Variants in TENM1 observed in about 807,000 individuals in gnomAD.
TENM1 encodes teneurin transmembrane protein 1.
A neutral mutation model predicts 174.8 loss-of-function variants in TENM1; 35 were observed. The observed-to-expected ratio is 0.20, with a 90% CI of 0.15 to 0.27. The LOEUF is 0.27. Ranked by LOEUF, TENM1 falls within the 10% of genes least tolerant of loss-of-function variation. The pLI, the probability that TENM1 is intolerant of heterozygous loss-of-function variation, is 1.00. For synonymous variants in TENM1, 781 were observed against 798.7 expected, an observed-to-expected ratio of 0.98 and a Z score of 0.37; for missense variants, 1,633 against 2,130.1, an observed-to-expected ratio of 0.77 and a Z score of 4.59.
intron 11 of TENM1, among the ~76,000 whole-genome samples, chrX:124,582,653 C>T (rs1215786637): frequency 8.9e-6 from 1 of 111,936 alleles, no homozygotes; most frequent in African/African-American, 3.3e-5. Flanking sequence ...ATACTGGGTT[C>T]ATCTCACTAG....
At chrX:125,151,157 G>C in the TENM1 span, among the ~76,000 whole-genome samples, 1 of 111,777 alleles carries the variant, frequency 8.9e-6, no homozygotes, top group African/African-American at 3.3e-5. Flanking sequence ...ATATTGAAAG[G>C]GTAAACTTAA....
the TENM1 span, among the ~76,000 whole-genome samples, chrX:125,091,846 G>T: frequency 7.4e-5 from 8 of 108,123 alleles, no homozygotes; most frequent in Non-Finnish European, 5.7e-5. Context: ...TTAGCCAGGC[G>T]TGGTGGTGCA....
intron 3 of TENM1, among the ~76,000 whole-genome samples, chrX:124,790,626 C>T (rs1302073094): frequency 9.0e-6 from 1 of 111,504 alleles, no homozygotes; most frequent in East Asian, 2.8e-4. Flanking sequence ...AAAAGAGGAA[C>T]ATCAAAGACT....
At chrX:125,076,613 A>T in the TENM1 span, among the ~76,000 whole-genome samples, 7 of 111,397 alleles carry the variant, frequency 6.3e-5, no homozygotes, top group East Asian at 1.4e-3. Context: ...CTGTTTTGCC[A>T]TCTATAGCAT....
intron 19 of TENM1, among the ~76,000 whole-genome samples, chrX:124,502,625 T>C (rs1362862270): frequency 1.9e-5 from 2 of 107,800 alleles, no homozygotes; most frequent in Non-Finnish European, 1.9e-5. Context: ...CAGAAAAAAG[T>C]TGACCTTTTA....
intron 1 of TENM1, among the ~76,000 whole-genome samples, chrX:124,900,084 T>C (rs2057632447): frequency 8.9e-6 from 1 of 112,555 alleles, no homozygotes; most frequent in Admixed American, 9.4e-5. Flanking sequence ...TGTCCAAAAC[T>C]GTACAAAGTT....
At chrX:125,178,811 C>T in the TENM1 span, among the ~76,000 whole-genome samples, 1 of 110,919 alleles carries the variant, frequency 9.0e-6, no homozygotes. Context: ...GAAATATGCA[C>T]GATAGCTCAA....
the TENM1 span, among the ~76,000 whole-genome samples, chrX:125,126,754 TC>T: frequency 9.1e-6 from 1 of 110,226 alleles, no homozygotes; most frequent in African/African-American, 3.3e-5. Context: ...GGGAATTAAG[TC>T]CCAGAAGTAG....
intron 4 of TENM1, among the ~76,000 whole-genome samples, chrX:124,721,719 T>C (rs145046337): frequency 1.1e-3 from 127 of 112,315 alleles, no homozygotes; most frequent in African/African-American, 4.1e-3. Context: ...GAAATTTTAA[T>C]AATTTAATAA....
At chrX:124,947,480 A>T (rs1009997324) in intron 1 of TENM1, among the ~76,000 whole-genome samples, 7 of 111,675 alleles carry the variant, frequency 6.3e-5, no homozygotes, top group Non-Finnish European at 1.3e-4. Flanking sequence ...CAATTTCATA[A>T]ATTGTAAAAT....
chrX:124,923,491 G>A (rs1157658330), intron 1 of TENM1, among the ~76,000 whole-genome samples: 2 of 112,073 alleles, frequency 1.8e-5, no homozygotes, highest in African/African-American at 3.2e-5. Flanking sequence ...GTATAACAAT[G>A]TATGTTTATT....
At chrX:124,938,921 T>C (rs1458722704) in intron 1 of TENM1, among the ~76,000 whole-genome samples, 3 of 111,608 alleles carry the variant, frequency 2.7e-5, no homozygotes, top group Non-Finnish European at 3.8e-5. Flanking sequence ...CCAAGCTGGC[T>C]GGCTAGATAT....
intron 3 of TENM1, among the ~76,000 whole-genome samples, chrX:124,826,373 C>T (rs1348553627): frequency 2.8e-5 from 3 of 105,332 alleles, no homozygotes; most frequent in Non-Finnish European, 5.8e-5. Context: ...GGTGCCACTG[C>T]AATCTAGCCT....
chrX:124,759,203 T>G (rs1165148873), intron 3 of TENM1, among the ~76,000 whole-genome samples: 3 of 111,896 alleles, frequency 2.7e-5, no homozygotes, highest in Non-Finnish European at 5.6e-5. Flanking sequence ...GAAAGCGTTA[T>G]GAATAGGGCA....
intron 3 of TENM1, among the ~76,000 whole-genome samples, chrX:124,767,834 T>C (rs1029098290): frequency 3.7e-4 from 41 of 111,630 alleles, no homozygotes; most frequent in African/African-American, 1.3e-3. Flanking sequence ...GAATTTTCTC[T>C]CTATAATTTA....
intron 11 of TENM1, among the ~76,000 whole-genome samples, chrX:124,606,826 G>A (rs1465420756): frequency 9.0e-6 from 1 of 111,447 alleles, no homozygotes; most frequent in Middle Eastern, 4.3e-3. Context: ...TTAACATGGG[G>A]ATAACATATA....
At chrX:124,397,562 C>T (rs975323046) in intron 27 of TENM1, among the ~76,000 whole-genome samples, 4 of 111,633 alleles carry the variant, frequency 3.6e-5, no homozygotes, top group East Asian at 5.7e-4. Flanking sequence ...CAAATAGCCA[C>T]GTCAGAGTTT....
At chrX:124,514,052 A>C (rs2148024087) in intron 18 of TENM1, among the ~76,000 whole-genome samples, 1 of 111,763 alleles carries the variant, frequency 8.9e-6, no homozygotes, top group African/African-American at 3.3e-5. Flanking sequence ...GATGATGAAA[A>C]TGTTCTGGAA....
chrX:124,586,855 T>C (rs1441352261), intron 11 of TENM1, among the ~76,000 whole-genome samples: 1 of 108,233 alleles, frequency 9.2e-6, no homozygotes, highest in Non-Finnish European at 1.9e-5. Context: ...GGATACAAAA[T>C]CCATGTACAA....
Sources: gnomAD v4.1 joint callset for allele counts (sites outside exome capture counted in the v4.1 genomes callset) on GRCh38, gnomAD v4.1.1 for gene constraint, MANE v1.5 for transcripts, NCBI Gene and HGNC (gene_info 2026-07-23, HGNC 2026-07-21) for gene names.